Variants in MAFG observed in about 807,000 individuals in gnomAD.
MAFG encodes the protein transcription factor MafG.
A neutral mutation model predicts 12.2 loss-of-function variants in MAFG; 3 were observed. The observed-to-expected ratio is 0.25, with a 90% CI of 0.11 to 0.64. The LOEUF (loss-of-function observed/expected upper bound fraction) is 0.64, where lower values mean the gene tolerates loss of function less well. Ranked by LOEUF, MAFG falls within the 30% of genes least tolerant of loss-of-function variation. The probability of loss-of-function intolerance (pLI) is 0.85; values close to 1 mark genes in which losing one functional copy is unlikely to be tolerated. For missense variants in MAFG, 153 were observed against 235.5 expected (o/e 0.65, Z 2.29); for synonymous variants, 126 against 109.1 (o/e 1.15, Z -0.96).
Position 81,922,730 on chromosome 17 carries a change from C to A in MAFG, c.364G>T (p.Ala122Ser). 6.4e-7 allele frequency: 1 copy of A among 1,569,128 alleles called. No individual in the cohort carries two copies. The highest frequency in any genetic ancestry group is 1.4e-5 in the African/African-American group (1 of 74,026). ...CGGGCTGGCGCCACGGGGCTGCGGG[C>A]CACCGTCCGGGCGAAGGTCTGCAGC... The part of the protein sequence containing the change: ...EALQTFARTV[A>S]RSPVAPARGP... Residue 122 changes from alanine to serine, a missense_variant, in exon 3 of 3, where the codon GCC becomes TCC. Ala to Ser is a moderately conservative substitution (Grantham distance 99). Transcript: ENST00000357736.
chr17:81,923,081 C>A, intron 2 of MAFG, 24 bp from the exon 3 acceptor site: 1 of 1,608,492 alleles, frequency 6.2e-7, no homozygotes, highest in South Asian at 1.1e-5. Context: ...CAGGTGGTCA[C>A]AGGCCAAGCG....
Position 81,922,555 on chromosome 17 carries a change from G to A in MAFG, c.*50C>T, listed in dbSNP as rs1485242279. ...ACAGAGGGACAGGGCAGCCAAATTC[G>A]CCATGTGCCTAGTGGCCCCGCAAAG... On this transcript the variant is annotated 3_prime_UTR_variant, in exon 3 of 3. Transcript: ENST00000357736. The A allele has an allele frequency of 3.7e-6, 5 of 1,350,870 alleles. No homozygotes were observed. The highest frequency in any genetic ancestry group is 5.5e-5 in the East Asian group (2 of 36,432). The allele number at this position is 1,350,870 out of a possible 1,614,324, so 83.7% of individuals were successfully genotyped here.
chr17:81,928,992 C>G (rs1468857461), upstream of MAFG, among the ~76,000 whole-genome samples: 1 of 152,122 alleles, frequency 6.6e-6, no homozygotes, highest in Non-Finnish European at 1.5e-5. This position sits in a 1 kb window ranked among gnomAD's most constrained non-coding sequence, Gnocchi z 8.1. Flanking sequence ...TCCTCAGGAC[C>G]CGCCCTCCGT....
chr17:81,923,836 C>T (rs2040919642), intron 1 of MAFG, among the ~76,000 whole-genome samples: 1 of 152,226 alleles, frequency 6.6e-6, no homozygotes, highest in South Asian at 2.1e-4. Context: ...ACAGGGGCCC[C>T]ACGGGGGACC....
upstream of MAFG, among the ~76,000 whole-genome samples, chr17:81,929,278 C>T (rs1826816731): frequency 1.3e-5 from 2 of 152,218 alleles, no homozygotes; most frequent in African/African-American, 4.8e-5. This position sits in a 1 kb window ranked among gnomAD's most constrained non-coding sequence, Gnocchi z 5.7. Flanking sequence ...ATGGGCAGGA[C>T]GGGCTGGGGA....
chr17:81,922,486 G>A lies in MAFG; in HGVS notation c.*119C>T. 1.2e-6 allele frequency: 1 copy of A among 807,946 alleles called. No individual in the cohort carries two copies. The highest frequency in any genetic ancestry group is 1.8e-6 in the Non-Finnish European group (1 of 551,812). 50.0% of individuals were successfully genotyped at this position (807,946 alleles called of 1,614,324 possible). ...GGTACAGGTTGTGCTTTGCAGGGAA[G>A]AGAGAAGGGTGGGGAAGAGAGGGAG... On this transcript the variant is annotated 3_prime_UTR_variant, in exon 3 of 3. Transcript: ENST00000357736.
Position 81,922,586 on chromosome 17 carries a change from C to A in MAFG, c.*19G>T. ...TGCCTAGTGGCCCCGCAAAGACCCG[C>A]CTGGGCAGACGCGCGTCCCTACGAT... On this transcript the variant is annotated 3_prime_UTR_variant, in exon 3 of 3. Coordinates refer to ENST00000357736, the MANE Select transcript of MAFG (RefSeq NM_002359.4). The A allele has an allele frequency of 6.9e-7, 1 of 1,442,506 alleles. No individual in the cohort carries two copies. Among genetic ancestry groups the A allele is most frequent in the Non-Finnish European group, 9.1e-7 (1 of 1,098,908 alleles). 89.4% of individuals were successfully genotyped at this position (1,442,506 alleles called of 1,614,324 possible).
Position 81,919,853 on chromosome 17 carries a change from C to G in MAFG, c.*2752G>C, listed in dbSNP as rs1218769322. On this transcript the variant is annotated 3_prime_UTR_variant, in exon 3 of 3. Coordinates refer to ENST00000357736, the MANE Select transcript of MAFG (RefSeq NM_002359.4). The stretch of plus-strand genomic sequence containing the variant: ...AACACTCCCCTAGACCCAGGGAAGT[C>G]GCCCCAAATCCAAAGCTCTTGAAAG... 1 of 152,200 alleles carries G rather than the reference C, an allele frequency of 6.6e-6. No individual in the cohort carries two copies. Among genetic ancestry groups the G allele is most frequent in the South Asian group, 2.1e-4 (1 of 4,834 alleles). The allele number at this position is 152,200 out of a possible 1,614,324, so 9.4% of individuals were successfully genotyped here.
chr17:81,925,506 G>A (rs1353298655), intron 1 of MAFG, among the ~76,000 whole-genome samples: 1 of 152,202 alleles, frequency 6.6e-6, no homozygotes, highest in Non-Finnish European at 1.5e-5. Context: ...ATGCATAAGT[G>A]ACTGAGAAGA....
chr17:81,925,637 T>C (rs1323225079), intron 1 of MAFG, among the ~76,000 whole-genome samples: 6 of 151,680 alleles, frequency 4.0e-5, no homozygotes, highest in Non-Finnish European at 1.5e-5. Context: ...TGAAACCCCG[T>C]CTCTACTAAA....
chr17:81,930,117 A>G (rs1027269834), upstream of MAFG: 3 of 152,348 alleles, frequency 2.0e-5, no homozygotes, highest in Admixed American at 1.3e-4. The surrounding 1 kb of genome is among the most constrained non-coding windows in gnomAD (Gnocchi z 4.1). Context: ...TGCTGCCGGG[A>G]GGGAGGTGCT....
intron 1 of MAFG, among the ~76,000 whole-genome samples, chr17:81,927,313 C>G (rs898647604): frequency 4.0e-5 from 6 of 151,482 alleles, no homozygotes; most frequent in African/African-American, 1.2e-4. Context: ...ACCCGGGCGC[C>G]AGGGGCAGGA....
intron 1 of MAFG, 57 bp from the exon 2 acceptor site, chr17:81,923,271 C>CCCT: frequency 2.1e-6 from 2 of 962,874 alleles, no homozygotes; most frequent in South Asian, 1.9e-5. Flanking sequence ...CACCCCCCCC[C>CCCT]CCCCGCCCCC....
At chr17:81,925,977 G>T (rs1277616201) in intron 1 of MAFG, among the ~76,000 whole-genome samples, 1 of 142,626 alleles carries the variant, frequency 7.0e-6, no homozygotes, top group Non-Finnish European at 1.5e-5. Flanking sequence ...TGTGTGGGGG[G>T]TGCTCACTGA....
rs1218206171 is a variant in MAFG at position 81,919,308 on chromosome 17, A to T, written c.*3297T>A. 6.6e-6 allele frequency: 1 copy of T among 152,198 alleles called. No homozygotes were observed. Among genetic ancestry groups the T allele is most frequent in the East Asian group, 1.9e-4 (1 of 5,194 alleles). 9.4% of individuals were successfully genotyped at this position (152,198 alleles called of 1,614,324 possible). On this transcript the variant is annotated 3_prime_UTR_variant, in exon 3 of 3. Transcript: ENST00000357736. ...AGGGAGGCAGCAGGGACAACATGGG[A>T]CCTGACCATCGTCCCAAAGCAGGCT...
intron 1 of MAFG, chr17:81,923,453 G>A (rs573131501): frequency 2.4e-6 from 1 of 422,054 alleles, no homozygotes; most frequent in Non-Finnish European, 4.2e-6. Flanking sequence ...AGGTCTGACG[G>A]GAGAAGGGGA....
chr17:81,930,983 C>T (rs1400302697), upstream of MAFG, among the ~76,000 whole-genome samples: 1 of 152,204 alleles, frequency 6.6e-6, no homozygotes, highest in Non-Finnish European at 1.5e-5. The surrounding 1 kb of genome is among the most constrained non-coding windows in gnomAD (Gnocchi z 4.1). Flanking sequence ...CATGTTGCTA[C>T]TTGGGGTGGG....
In MAFG at chr17:81,926,790, G is replaced by A. The variant is rs946279351; in HGVS notation, c.-30+738C>T. 1.2e-4 allele frequency among the ~76,000 whole-genome samples: 19 copies of A among 152,136 alleles called. No homozygotes were observed. Among genetic ancestry groups the A allele is most frequent in the Non-Finnish European group, 2.6e-4 (18 of 67,968 alleles). On this transcript the variant is annotated intron_variant, in intron 1 of 2. Coordinates refer to ENST00000357736, the MANE Select transcript of MAFG (RefSeq NM_002359.4). This position sits in a 1 kb window ranked among gnomAD's most constrained non-coding sequence, Gnocchi z 4.6. ...CCCCACTTCCTCTTCAAGCACCCCT[G>A]CCTTCAACTGGATCGCTCGGCGCTC...
chr17:81,927,888 T>A (rs1478818806), upstream of MAFG: 1 of 151,778 alleles, frequency 6.6e-6, no homozygotes, highest in Non-Finnish European at 1.5e-5. Flanking sequence ...CCTGGCGGGG[T>A]CTCACGGGCG....
Sources: gnomAD v4.1 joint callset for allele counts (sites outside exome capture counted in the v4.1 genomes callset) on GRCh38, gnomAD v4.1.1 for gene constraint, Gnocchi (gnomAD v3.1) non-coding constraint, MANE v1.5 for transcripts, NCBI Gene and HGNC (gene_info 2026-07-23, HGNC 2026-07-21) for gene names.